CTBP2: variants seen among roughly 807,000 people sequenced by gnomAD.
CTBP2 encodes the protein C-terminal binding protein 2, also known as C-terminal-binding protein 2.
A neutral mutation model predicts 80.3 loss-of-function variants in CTBP2; 30 were observed. That is an observed-to-expected ratio of 0.37 (90% CI 0.28 to 0.51). CTBP2 has a LOEUF of 0.51. Ranked by LOEUF, CTBP2 falls within the 20% of genes least tolerant of loss-of-function variation. The pLI, the probability that CTBP2 is intolerant of heterozygous loss-of-function variation, is 0.93. For synonymous variants in CTBP2, 594 were observed against 587.4 expected, an observed-to-expected ratio of 1.01 and a Z score of -0.16; for missense variants, 1,212 against 1,375.3, an observed-to-expected ratio of 0.88 and a Z score of 1.88.
At chr10:125,099,939 C>T (rs749557932) in intron 2 of CTBP2, among the ~76,000 whole-genome samples, 6 of 152,182 alleles carry the variant, frequency 3.9e-5, no homozygotes, top group Non-Finnish European at 5.9e-5. Flanking sequence ...CAGATTCAGT[C>T]CTAAGGCACC....
intron 1 of CTBP2, among the ~76,000 whole-genome samples, chr10:125,149,520 C>T (rs1055017225): frequency 6.6e-6 from 1 of 152,172 alleles, no homozygotes; most frequent in Non-Finnish European, 1.5e-5. Context: ...GAGTCATCCA[C>T]AAGACAGAGC....
At chr10:125,002,341 C>A (rs997392547) in intron 3 of CTBP2, among the ~76,000 whole-genome samples, 1 of 152,336 alleles carries the variant, frequency 6.6e-6, no homozygotes, top group Admixed American at 6.5e-5. Flanking sequence ...TCAACATGCA[C>A]CCCCAGCCGC....
At chr10:125,042,581 GA>G (rs1208104431) in intron 2 of CTBP2, among the ~76,000 whole-genome samples, 1 of 152,218 alleles carries the variant, frequency 6.6e-6, no homozygotes, top group Non-Finnish European at 1.5e-5. Flanking sequence ...CCCACTCGTG[GA>G]ATGAGCTTGG....
At position 125,005,646 on chromosome 10, in the gene CTBP2, AGGAACCC is replaced by A. The variant is rs780938244; in HGVS notation, c.1679-2161_1679-2155del. 9.9e-6 allele frequency: 16 copies of A among 1,612,812 alleles called. No individual in the cohort carries two copies. In the Middle Eastern group the frequency reaches 6.6e-4, roughly 66 times the overall value. On this transcript the variant is annotated intron_variant, in intron 1 of 8. Coordinates refer to ENST00000309035, the MANE Select transcript of CTBP2 (RefSeq NM_022802.3). ...TCCGCAACAGCACCGTCACCTGACG[AGGAACCC>A]GACACACATGGCTCCCACCTGGGCT...
chr10:125,049,948 C>T (rs1962314679), intron 2 of CTBP2, among the ~76,000 whole-genome samples: 1 of 152,190 alleles, frequency 6.6e-6, no homozygotes, highest in Non-Finnish European at 1.5e-5. Flanking sequence ...GCTCAGCTCC[C>T]CAAACCCCAC....
At chr10:125,069,557 T>G (rs1456308502) in intron 2 of CTBP2, among the ~76,000 whole-genome samples, 1 of 152,184 alleles carries the variant, frequency 6.6e-6, no homozygotes, top group Admixed American at 6.5e-5. Flanking sequence ...AGGCAGAGGT[T>G]GTAGTGAGCC....
At chr10:125,139,995 C>T (rs1023450551) in intron 1 of CTBP2, among the ~76,000 whole-genome samples, 1 of 152,120 alleles carries the variant, frequency 6.6e-6, no homozygotes, top group South Asian at 2.1e-4. Context: ...CCTTCCCCAA[C>T]CCTTGCTGAA....
intron 2 of CTBP2, among the ~76,000 whole-genome samples, chr10:125,053,149 C>T (rs553722941): frequency 7.9e-5 from 12 of 152,286 alleles, no homozygotes; most frequent in African/African-American, 1.2e-4. Context: ...CATGAATCCA[C>T]GGGGCCACCG....
intron 8 of CTBP2, among the ~76,000 whole-genome samples, chr10:124,991,060 TGG>T (rs1462242006): frequency 6.6e-6 from 1 of 152,254 alleles, no homozygotes; most frequent in East Asian, 1.9e-4. Context: ...GGCTGTTGGC[TGG>T]GGGCCCGCCT....
upstream of CTBP2, among the ~76,000 whole-genome samples, chr10:125,028,282 C>A (rs913231551): frequency 6.6e-6 from 1 of 152,186 alleles, no homozygotes; most frequent in African/African-American, 2.4e-5. Context: ...ACCCTGCCTC[C>A]CCCTCTGGAA....
chr10:125,142,410 C>T lies in CTBP2; in HGVS notation c.-206+17909G>A, dbSNP rs184024537. On this transcript the variant is annotated intron_variant, in intron 1 of 10. Transcript: ENST00000337195. ...ACCAGCATCTACCAAACTCCTCGCA[C>T]TTCCTAGGCTGGCCCTTCTACTATC... Among the ~76,000 whole-genome samples, 195 of 152,296 alleles carry T rather than the reference C, an allele frequency of 1.3e-3. 1 individual carries two copies. Among genetic ancestry groups the T allele is most frequent in the Admixed American group, 0.011 (163 of 15,298 alleles).
At chr10:125,047,014 G>A (rs552375171) in intron 2 of CTBP2, among the ~76,000 whole-genome samples, 1 of 152,324 alleles carries the variant, frequency 6.6e-6, no homozygotes, top group Non-Finnish European at 1.5e-5. Context: ...TGTCATAATG[G>A]AAATTAAGTG....
intron 2 of CTBP2, among the ~76,000 whole-genome samples, chr10:125,103,405 A>G (rs1850942343): frequency 6.6e-6 from 1 of 152,182 alleles, no homozygotes; most frequent in South Asian, 2.1e-4. Flanking sequence ...GGAAGGTTCT[A>G]AGTTCGTAGT....
intron 1 of CTBP2, among the ~76,000 whole-genome samples, chr10:125,009,441 C>T (rs1955622985): frequency 6.6e-6 from 1 of 152,184 alleles, no homozygotes; most frequent in Non-Finnish European, 1.5e-5. Flanking sequence ...CACAGCCGAA[C>T]CTGAGGCCCC....
At position 124,989,581 on chromosome 10, in the gene CTBP2, T is replaced by C; in HGVS notation, c.2895A>G (p.Gln965=). 6.2e-7 allele frequency: 1 copy of C among 1,613,602 alleles called. No individual in the cohort carries two copies. The highest frequency in any genetic ancestry group is 8.5e-7 in the Non-Finnish European group (1 of 1,179,816). ...TTGTGGGCTGGTTGGGAGAGGGCGCTTGGGAAGGATGTGCCACTGTCGGGA... is the reference window on the plus strand; with the variant it reads ...TTGTGGGCTGGTTGGGAGAGGGCGCCTGGGAAGGATGTGCCACTGTCGGGA... Residue 965 remains glutamine, a synonymous_variant, in exon 9 of 9, where the codon CAA becomes CAG. Transcript: ENST00000309035.
intron 2 of CTBP2, among the ~76,000 whole-genome samples, chr10:125,088,475 C>A (rs1289381145): frequency 6.6e-6 from 1 of 152,154 alleles, no homozygotes; most frequent in African/African-American, 2.4e-5. Flanking sequence ...CTAATACCCG[C>A]CATGCAAACT....
chr10:125,141,647 G>A (rs1857839150), intron 1 of CTBP2, among the ~76,000 whole-genome samples: 1 of 151,940 alleles, frequency 6.6e-6, no homozygotes, highest in East Asian at 1.9e-4. Flanking sequence ...TAAACACACG[G>A]CAAGTACATG....
intron 1 of CTBP2, among the ~76,000 whole-genome samples, chr10:125,134,090 G>T (rs115965559): frequency 1.9e-4 from 29 of 152,304 alleles, no homozygotes; most frequent in African/African-American, 6.7e-4. Context: ...GAAACATTCC[G>T]AAGTCCTGTC....
intron 2 of CTBP2, among the ~76,000 whole-genome samples, chr10:125,049,316 C>T (rs185527501): frequency 1.7e-3 from 255 of 152,356 alleles, no homozygotes; most frequent in Admixed American, 3.2e-3. Context: ...AAAGTCGCCA[C>T]AGTTGTCACA....
Sources: gnomAD v4.1 joint callset for allele counts (sites outside exome capture counted in the v4.1 genomes callset) on GRCh38, gnomAD v4.1.1 for gene constraint, MANE v1.5 for transcripts, NCBI Gene and HGNC (gene_info 2026-07-23, HGNC 2026-07-21) for gene names.